The following EFNA5 variants were observed in gnomAD, a reference collection of about 807,000 sequenced individuals.
The protein encoded by EFNA5 is ephrin A5.
Under a neutral mutation model 22.9 loss-of-function variants are expected in EFNA5, and 5 were observed. The ratio of observed to expected loss-of-function variants is 0.22; its 90% confidence interval spans 0.11 to 0.46. The LOEUF is 0.46. Ranked by LOEUF, EFNA5 falls within the 20% of genes least tolerant of loss-of-function variation. The pLI, the probability that EFNA5 is intolerant of heterozygous loss-of-function variation, is 0.99. For synonymous variants in EFNA5, 113 were observed against 112.2 expected, an observed-to-expected ratio of 1.01 and a Z score of -0.04; for missense variants, 237 against 293.3, an observed-to-expected ratio of 0.81 and a Z score of 1.40.
chr5:107,436,779 T>A (rs1749121861), intron 1 of EFNA5, among the ~76,000 whole-genome samples: 1 of 152,116 alleles, frequency 6.6e-6, no homozygotes, highest in South Asian at 2.1e-4. Flanking sequence ...CTGACTCTGA[T>A]CAGGGGATGT....
intron 1 of EFNA5, among the ~76,000 whole-genome samples, chr5:107,668,275 A>T (rs1225361393): frequency 6.6e-6 from 1 of 152,240 alleles, no homozygotes; most frequent in Admixed American, 6.5e-5. Context: ...AAAATTCTGC[A>T]GATTAACTTT....
intron 1 of EFNA5, among the ~76,000 whole-genome samples, chr5:107,452,534 A>T (rs547076314): frequency 6.6e-6 from 1 of 151,956 alleles, no homozygotes; most frequent in African/African-American, 2.4e-5. Context: ...GACCAACCTG[A>T]GCAATACAGT....
intron 1 of EFNA5, among the ~76,000 whole-genome samples, chr5:107,630,129 T>C (rs141516318): frequency 0.021 from 3,199 of 152,122 alleles, 43 homozygotes; most frequent in Middle Eastern, 0.031. Flanking sequence ...ATCATTAGTG[T>C]TAGTGTATTT....
chr5:107,477,517 AG>A (rs1321640678), intron 1 of EFNA5, among the ~76,000 whole-genome samples: 2 of 152,228 alleles, frequency 1.3e-5, no homozygotes, highest in Non-Finnish European at 2.9e-5. Context: ...TAACTGTAAA[AG>A]GATCTCTGGC....
chr5:107,619,627 AT>A (rs1169180376), intron 1 of EFNA5, among the ~76,000 whole-genome samples: 3 of 151,536 alleles, frequency 2.0e-5, no homozygotes, highest in Non-Finnish European at 4.4e-5. Flanking sequence ...TACCCGGCTA[AT>A]TTTTATATAT....
At chr5:107,463,833 G>A (rs1307555059) in intron 1 of EFNA5, among the ~76,000 whole-genome samples, 1 of 152,044 alleles carries the variant, frequency 6.6e-6, no homozygotes, top group Non-Finnish European at 1.5e-5. Context: ...GGTTCCTTGT[G>A]AGTGAGGACA....
chr5:107,652,577 A>G (rs1750754403), intron 1 of EFNA5, among the ~76,000 whole-genome samples: 1 of 152,218 alleles, frequency 6.6e-6, no homozygotes, highest in African/African-American at 2.4e-5. Context: ...TTCACATCAA[A>G]TATCACAGAA....
intron 1 of EFNA5, among the ~76,000 whole-genome samples, chr5:107,466,254 G>A (rs1397574242): frequency 1.3e-5 from 2 of 152,136 alleles, no homozygotes; most frequent in Non-Finnish European, 2.9e-5. Flanking sequence ...CGGCTCATAA[G>A]TCGTGTTAAG....
chr5:107,611,222 G>C (rs1212056242), intron 1 of EFNA5, among the ~76,000 whole-genome samples: 3 of 152,026 alleles, frequency 2.0e-5, no homozygotes, highest in Non-Finnish European at 2.9e-5. Flanking sequence ...AACCAAGCTG[G>C]AAATGCTATA....
intron 1 of EFNA5, among the ~76,000 whole-genome samples, chr5:107,640,342 A>G (rs1023700265): frequency 4.6e-5 from 7 of 152,228 alleles, no homozygotes; most frequent in African/African-American, 1.7e-4. Flanking sequence ...TAAGAGAAAA[A>G]AAAAGGCTAG....
chr5:107,381,288 T>A lies in EFNA5; in HGVS notation c.654A>T (p.Leu218=). ...PRIPSRLLAI[L]LFLLAMLLTL is the part of the protein sequence containing the mutation. ...TCAAAAGCATCGCCAGGAGGAACAG[T>A]AGGATTGCCAAAAGGCGGCTGGGTA... The change falls in exon 5 of 5, where the codon CTA becomes CTT. Residue 218 remains leucine, a synonymous_variant. Coordinates refer to ENST00000333274, the MANE Select transcript of EFNA5 (RefSeq NM_001962.3). 6.2e-7 allele frequency: 1 copy of A among 1,613,980 alleles called. No individual in the cohort carries two copies. Among genetic ancestry groups the A allele is most frequent in the Non-Finnish European group, 8.5e-7 (1 of 1,179,888 alleles).
At chr5:107,496,801 T>C (rs1186947315) in intron 1 of EFNA5, among the ~76,000 whole-genome samples, 1 of 152,212 alleles carries the variant, frequency 6.6e-6, no homozygotes, top group East Asian at 1.9e-4. Context: ...AACCCAGATG[T>C]AGCAGGGCTT....
rs575318299 is a variant in EFNA5 at position 107,489,559 on chromosome 5, A to G, written c.126-62050T>C. On this transcript the variant is annotated intron_variant, in intron 1 of 4. Transcript: ENST00000333274. ...TCATACCTAAAAAAGTTTTAGTCCA[A>G]TGTGAACCTAAGTTCACATTCTAAA... Among the ~76,000 whole-genome samples the G allele has an allele frequency of 3.1e-3, 472 of 152,240 alleles. 11 individuals carry two copies. Among genetic ancestry groups the G allele is most frequent in the Non-Finnish European group, 1.0e-3 (68 of 68,002 alleles).
rs112968952 is a variant in EFNA5 at position 107,494,294 on chromosome 5, G to T, written c.126-66785C>A. Among the ~76,000 whole-genome samples, 801 of 152,318 alleles carry T rather than the reference G, an allele frequency of 5.3e-3. 4 individuals carry two copies. The highest frequency in any genetic ancestry group is 0.019 in the African/African-American group (773 of 41,586). ...GGCTGCGGGCGGCGCTTGAGGGCCA[G>T]CTGGAGTTCCGGGTGGGCGTGGGCT... On this transcript the variant is annotated intron_variant, in intron 1 of 4. Transcript: ENST00000333274.
At chr5:107,618,006 C>CA (rs894918661) in intron 1 of EFNA5, among the ~76,000 whole-genome samples, 200 of 150,366 alleles carry the variant, frequency 1.3e-3, no homozygotes, top group Non-Finnish European at 2.1e-3. Context: ...CTGTTTAAAA[C>CA]AAAAAAAATC....
intron 1 of EFNA5, among the ~76,000 whole-genome samples, chr5:107,453,941 G>T (rs1054540091): frequency 1.0e-5 from 1 of 98,090 alleles, no homozygotes; most frequent in Non-Finnish European, 1.9e-5. Flanking sequence ...AACTGAAGGA[G>T]TGTGAGTGTG....
intron 1 of EFNA5, among the ~76,000 whole-genome samples, chr5:107,542,969 A>C (rs1236362506): frequency 6.6e-6 from 1 of 152,182 alleles, no homozygotes; most frequent in South Asian, 2.1e-4. Context: ...TAAAAGTGTT[A>C]TATTAAAAAT....
rs576291078 is a variant in EFNA5, at chr5:107,432,995, C to A, written c.126-5486G>T. 2.7e-4 allele frequency among the ~76,000 whole-genome samples: 41 copies of A among 152,256 alleles called. No homozygotes were observed. The East Asian group carries it at 7.1e-3, about 26-fold the overall frequency. ...CTTATGATTTTATTAATAACATTTT[C>A]TTTTCTTGAGCTTACTTGATTATAA... On this transcript the variant is annotated intron_variant, in intron 1 of 4. Coordinates refer to ENST00000333274, the MANE Select transcript of EFNA5 (RefSeq NM_001962.3).
chr5:107,535,007 A>T (rs1029031184), intron 1 of EFNA5, among the ~76,000 whole-genome samples: 3 of 152,168 alleles, frequency 2.0e-5, no homozygotes, highest in African/African-American at 7.2e-5. Context: ...GGTGTGAAAA[A>T]TATGATGTAC....
Sources: allele counts gnomAD v4.1 joint callset (sites outside exome capture counted in the v4.1 genomes callset), GRCh38; gene constraint gnomAD v4.1.1; transcripts MANE v1.5; gene names NCBI Gene and HGNC (gene_info 2026-07-23, HGNC 2026-07-21).